A2ML1: variants seen among roughly 807,000 people sequenced by gnomAD.
The protein encoded by A2ML1 is alpha-2-macroglobulin like 1.
In A2ML1, 161 loss-of-function variants were observed where a neutral mutation model predicts 181.9. The observed-to-expected ratio is 0.89, with a 90% CI of 0.78 to 1.01. A2ML1 has a LOEUF of 1.01. Ranked by LOEUF, A2ML1 falls within the 50% of genes least tolerant of loss-of-function variation. The probability of loss-of-function intolerance (pLI) is 0.00; values close to 1 mark genes in which losing one functional copy is unlikely to be tolerated. For synonymous variants in A2ML1, 663 were observed against 666.8 expected, an observed-to-expected ratio of 0.99 and a Z score of 0.09; for missense variants, 1,670 against 1,768.1, an observed-to-expected ratio of 0.94 and a Z score of 1.00.
At chr12:8,873,975 G>A (rs1944713201) in intron 33 of A2ML1, among the ~76,000 whole-genome samples, 1 of 151,948 alleles carries the variant, frequency 6.6e-6, no homozygotes, top group Non-Finnish European at 1.5e-5. Context: ...GGCAGTAGCG[G>A]TACATAGAGG....
At chr12:8,854,696 A>AG in intron 21 of A2ML1, 84 bp from the exon 22 acceptor site, 2 of 1,477,088 alleles carry the variant, frequency 1.4e-6, no homozygotes, top group Non-Finnish European at 1.9e-6. Flanking sequence ...GGGCACAGCG[A>AG]GGGGCCTCCC....
In A2ML1 at chr12:8,846,285, C is replaced by G. The variant is rs1943683477; in HGVS notation, c.1683+63C>G. The G allele has an allele frequency of 5.7e-6, 9 of 1,588,422 alleles. No individual in the cohort carries two copies. In the Admixed American group the frequency reaches 1.2e-4, roughly 21 times the overall value. On this transcript the variant is annotated intron_variant, in intron 14 of 35. Transcript: ENST00000299698. Reference sequence around the variant, plus strand: ...GGCATAGAGAAAGATCTTGTGTGTGCTGCGGTTGGAAACAAGACAAGTCAG... The same window carrying G: ...GGCATAGAGAAAGATCTTGTGTGTGGTGCGGTTGGAAACAAGACAAGTCAG...
chr12:8,829,835 G>T, intron 4 of A2ML1, 56 bp downstream of exon 4: 1 of 1,607,442 alleles, frequency 6.2e-7, no homozygotes, highest in Non-Finnish European at 8.5e-7. Context: ...AAGGATGAGA[G>T]ATTCTCTAGG....
In A2ML1 at chr12:8,876,656, A is replaced by ATAG; in HGVS notation, c.*600_*601insTAG. Reference sequence around the variant, plus strand: ...CCACTGCACTCCAGCCTGGGCAATGAGGCAAGACCCTGTCTCAAAAAATAA... The same window carrying ATAG: ...CCACTGCACTCCAGCCTGGGCAATGATAGGGCAAGACCCTGTCTCAAAAAATAA... On this transcript the variant is annotated 3_prime_UTR_variant, in exon 36 of 36. Transcript: ENST00000299698. The ATAG allele has an allele frequency of 2.0e-5, 3 of 152,082 alleles. No homozygotes were observed. The highest frequency in any genetic ancestry group is 2.0e-4 in the Admixed American group (3 of 15,236). The allele number at this position is 152,082 out of a possible 1,614,324, so 9.4% of individuals were successfully genotyped here.
chr12:8,862,848 C>T (rs957023572), intron 28 of A2ML1, among the ~76,000 whole-genome samples: 1 of 151,994 alleles, frequency 6.6e-6, no homozygotes, highest in African/African-American at 2.4e-5. Context: ...TTAGATTGCC[C>T]TTCTGTGGTT....
intron 33 of A2ML1, among the ~76,000 whole-genome samples, chr12:8,873,973 C>T (rs1209491371): frequency 1.3e-5 from 2 of 151,582 alleles, no homozygotes; most frequent in South Asian, 2.1e-4. Context: ...AGGGCAGTAG[C>T]GGTACATAGA....
At chr12:8,881,109 A>G (rs1944866261), downstream of A2ML1, among the ~76,000 whole-genome samples, 1 of 152,220 alleles carries the variant, frequency 6.6e-6, no homozygotes, top group Non-Finnish European at 1.5e-5. Flanking sequence ...GACTGCCAGA[A>G]TTCTAGACTG....
chr12:8,851,705 C>G, intron 18 of A2ML1, 79 bp from the exon 19 acceptor site: 3 of 1,387,484 alleles, frequency 2.2e-6, no homozygotes, highest in Non-Finnish European at 3.0e-6. Context: ...CACACCCCAC[C>G]GAATTTGTGG....
chr12:8,878,954 C>G (rs111653971), downstream of A2ML1, among the ~76,000 whole-genome samples: 49 of 152,036 alleles, frequency 3.2e-4, 2 homozygotes, highest in African/African-American at 1.2e-3. The surrounding 1 kb of genome is among the most constrained non-coding windows in gnomAD (Gnocchi z 4.4). Context: ...TAGGGTGAGA[C>G]CTTGTCTCAA....
chr12:8,836,166 A>T, intron 6 of A2ML1, 89 bp from the exon 7 acceptor site: 1 of 1,024,708 alleles, frequency 9.8e-7, no homozygotes, highest in Non-Finnish European at 1.5e-6. Flanking sequence ...CATTAATTTA[A>T]TTCTCACTGT....
chr12:8,831,942 G>A (rs1015635792), intron 4 of A2ML1, among the ~76,000 whole-genome samples: 1 of 152,074 alleles, frequency 6.6e-6, no homozygotes, highest in Admixed American at 6.6e-5. Flanking sequence ...TAGAGACGGG[G>A]TTTCTTCATG....
chr12:8,885,683 C>T (rs1427258265), intron 7 of A2ML1, among the ~76,000 whole-genome samples: 4 of 152,106 alleles, frequency 2.6e-5, no homozygotes, highest in East Asian at 3.9e-4. Flanking sequence ...AGACTGGTCT[C>T]GAACTCCTGA....
intron 12 of A2ML1, among the ~76,000 whole-genome samples, chr12:8,843,721 C>CT (rs756360339): frequency 0.19 from 25,511 of 133,558 alleles, 2,854 homozygotes; most frequent in Middle Eastern, 0.32. Flanking sequence ...CTTTTTTTTT[C>CT]TTTTTTTTTT....
chr12:8,848,459 C>T (rs1220387535), intron 15 of A2ML1, among the ~76,000 whole-genome samples: 2 of 150,252 alleles, frequency 1.3e-5, no homozygotes, highest in Admixed American at 6.6e-5. Context: ...TCAATCTGGG[C>T]GACAGAGCAA....
At chr12:8,871,477 T>A (rs1470905651) in intron 33 of A2ML1, among the ~76,000 whole-genome samples, 2 of 150,872 alleles carry the variant, frequency 1.3e-5, no homozygotes, top group East Asian at 3.9e-4. Flanking sequence ...TTTGTTTGTT[T>A]GTTTAGTATT....
chr12:8,865,451 A>G (rs1010168981), intron 29 of A2ML1, among the ~76,000 whole-genome samples: 7 of 152,222 alleles, frequency 4.6e-5, no homozygotes, highest in Non-Finnish European at 8.8e-5. Flanking sequence ...AGGCAGGAGA[A>G]TCGCTTGAAC....
At chr12:8,877,103 C>T (rs1944818679), downstream of A2ML1, among the ~76,000 whole-genome samples, 1 of 152,210 alleles carries the variant, frequency 6.6e-6, no homozygotes, top group Non-Finnish European at 1.5e-5. Context: ...GGCTATCTAT[C>T]ACCTATCACC....
intron 18 of A2ML1, among the ~76,000 whole-genome samples, chr12:8,850,936 G>T (rs140499354): frequency 0.01 from 1,595 of 152,098 alleles, 40 homozygotes; most frequent in African/African-American, 0.036. Flanking sequence ...GCAGGGTTTT[G>T]CTATGTTGGC....
At chr12:8,868,886 A>ATGTGCATGTATGTACATATATG (rs1226724406) in intron 32 of A2ML1, among the ~76,000 whole-genome samples, 5 of 152,124 alleles carry the variant, frequency 3.3e-5, no homozygotes, top group Non-Finnish European at 4.4e-5. Flanking sequence ...ACATGTATAT[A>ATGTGCATGTATGTACATATATG]TGTGCATGTA....
Sources: allele counts gnomAD v4.1 joint callset (sites outside exome capture counted in the v4.1 genomes callset), GRCh38; gene constraint gnomAD v4.1.1; non-coding constraint Gnocchi (gnomAD v3.1); transcripts MANE v1.5; gene names NCBI Gene and HGNC (gene_info 2026-07-23, HGNC 2026-07-21).